BLK: variants seen among roughly 807,000 people sequenced by gnomAD.
The protein encoded by BLK is tyrosine-protein kinase Blk.
Under a neutral mutation model 61.8 loss-of-function variants are expected in BLK, and 64 were observed. The observed-to-expected ratio is 1.03, with a 90% CI of 0.85 to 1.27. The LOEUF (loss-of-function observed/expected upper bound fraction) is 1.27. BLK is among the 50% of genes most tolerant of loss of function. The probability of loss-of-function intolerance (pLI) is 0.00; values close to 1 mark genes in which losing one functional copy is unlikely to be tolerated. For synonymous variants in BLK, 351 were observed against 272.0 expected (o/e 1.29, Z -2.86); for missense variants, 853 against 660.5 (o/e 1.29, Z -3.19).
chr8:11,556,349 T>C, intron 8 of BLK: 1 of 429,052 alleles, frequency 2.3e-6, no homozygotes, highest in Non-Finnish European at 4.4e-6. Context: ...AGAGACTCAT[T>C]ATGTAGGGGA....
In BLK at chr8:11,498,795, A is replaced by T. The variant is rs981420292; in HGVS notation, c.-2+4204A>T. ...TTTCTTCATTCATTGATAATAGCACATCACAGGATTAACAGAATTAAATTA... is the reference window on the plus strand; with the variant it reads ...TTTCTTCATTCATTGATAATAGCACTTCACAGGATTAACAGAATTAAATTA... On this transcript the variant is annotated intron_variant, in intron 1 of 12. Transcript: ENST00000259089. Among the ~76,000 whole-genome samples, 17 of 152,362 alleles carry T rather than the reference A, an allele frequency of 1.1e-4. No individual in the cohort carries two copies. The East Asian group carries it at 3.1e-3, about 28-fold the overall frequency.
In BLK at chr8:11,563,961, C is replaced by T. The variant is rs1356289485; in HGVS notation, c.1371C>T (p.Pro457=). The change falls in exon 13 of 13, where the codon CCC becomes CCT. Residue 457 remains proline (P), a synonymous_variant. Coordinates refer to ENST00000259089, the MANE Select transcript of BLK (RefSeq NM_001715.3). ...AGCGCGGCTACCGCATGCCGCGCCC[C>T]GACACCTGCCCGCCCGAGCTGTACC... The part of the protein sequence containing the change: ...NLERGYRMPR[P]DTCPPELYRG... 3.7e-6 allele frequency: 6 copies of T among 1,606,726 alleles called. No homozygotes were observed. Among genetic ancestry groups the T allele is most frequent in the Non-Finnish European group, 5.1e-6 (6 of 1,179,326 alleles).
At chr8:11,553,622 A>C (rs1801025374) in intron 6 of BLK, 1 of 195,902 alleles carries the variant, frequency 5.1e-6, no homozygotes, top group African/African-American at 2.3e-5. Context: ...TGAACTCCCT[A>C]AGGCCAGGCT....
intron 11 of BLK, among the ~76,000 whole-genome samples, chr8:11,562,747 T>G (rs981251028): frequency 6.6e-6 from 1 of 152,202 alleles, no homozygotes; most frequent in African/African-American, 2.4e-5. Flanking sequence ...GGTGACTGTG[T>G]GGTATTGGTG....
At chr8:11,500,307 C>T (rs1416333892) in intron 1 of BLK, among the ~76,000 whole-genome samples, 2 of 152,122 alleles carry the variant, frequency 1.3e-5, no homozygotes, top group Non-Finnish European at 1.5e-5. Flanking sequence ...AACTCTCCCA[C>T]CTCAGCCTCC....
chr8:11,532,210 T>C (rs1349361270), intron 1 of BLK, among the ~76,000 whole-genome samples: 1 of 116,976 alleles, frequency 8.5e-6, no homozygotes, highest in Non-Finnish European at 1.9e-5. Flanking sequence ...TATTTATTTA[T>C]TTATTTGAGA....
At chr8:11,563,856 C>G in intron 12 of BLK, 47 bp from the exon 13 acceptor site, 3 of 1,557,332 alleles carry the variant, frequency 1.9e-6, no homozygotes, top group East Asian at 2.4e-5. Flanking sequence ...CCCCACCCAC[C>G]GAGGACCCCA....
chr8:11,502,213 GT>G (rs1403236825), intron 1 of BLK, among the ~76,000 whole-genome samples: 9 of 152,064 alleles, frequency 5.9e-5, no homozygotes, highest in African/African-American at 2.2e-4. Context: ...TATAACCTTT[GT>G]TTTAATAGAA....
At chr8:11,540,967 A>G (rs1474334741) in intron 1 of BLK, among the ~76,000 whole-genome samples, 1 of 152,298 alleles carries the variant, frequency 6.6e-6, no homozygotes, top group Middle Eastern at 3.4e-3. Flanking sequence ...CATTCTAAAT[A>G]AAATATTAGC....
At chr8:11,562,857 G>A (rs531375100) in intron 11 of BLK, 122 bp from the exon 12 acceptor site, 42 of 1,416,542 alleles carry the variant, frequency 3.0e-5, no homozygotes, top group Non-Finnish European at 2.5e-5. Context: ...TGGCCGCCCC[G>A]CCCTGTGAGG....
intron 1 of BLK, among the ~76,000 whole-genome samples, chr8:11,516,706 A>G (rs1441194002): frequency 2.6e-5 from 4 of 152,142 alleles, no homozygotes; most frequent in Middle Eastern, 3.2e-3. Flanking sequence ...TGTCTGGCCA[A>G]TTTCACTTAG....
chr8:11,533,210 C>A (rs150223413), intron 1 of BLK, among the ~76,000 whole-genome samples: 5 of 152,340 alleles, frequency 3.3e-5, no homozygotes, highest in Non-Finnish European at 5.9e-5. Context: ...TTACAATCAA[C>A]CCAAGCATGT....
At chr8:11,547,635 A>G (rs1471939004) in intron 3 of BLK, among the ~76,000 whole-genome samples, 1 of 152,224 alleles carries the variant, frequency 6.6e-6, no homozygotes, top group Non-Finnish European at 1.5e-5. Flanking sequence ...CAGAGGAGGA[A>G]AAGGATAAGA....
chr8:11,541,726 G>GAA (rs1366377708), intron 1 of BLK, among the ~76,000 whole-genome samples: 1 of 152,090 alleles, frequency 6.6e-6, no homozygotes, highest in Non-Finnish European at 1.5e-5. Context: ...TCGAACTCCT[G>GAA]ACCTCAAGGG....
chr8:11,544,424 G>T (rs1343386791), intron 2 of BLK, among the ~76,000 whole-genome samples: 1 of 152,166 alleles, frequency 6.6e-6, no homozygotes, highest in African/African-American at 2.4e-5. Context: ...ACCTGATGGG[G>T]AGACGGGGAT....
intron 1 of BLK, among the ~76,000 whole-genome samples, chr8:11,531,107 C>A (rs1350634391): frequency 6.6e-6 from 1 of 152,128 alleles, no homozygotes; most frequent in Non-Finnish European, 1.5e-5. Flanking sequence ...ACACCGAACA[C>A]CTGTTCATGG....
intron 1 of BLK, among the ~76,000 whole-genome samples, chr8:11,539,601 T>C (rs1800283794): frequency 6.6e-6 from 1 of 152,224 alleles, no homozygotes; most frequent in Admixed American, 6.5e-5. Flanking sequence ...TTAACAGAAT[T>C]TAAAAGATTG....
chr8:11,563,272 C>A (rs545408081), intron 12 of BLK, among the ~76,000 whole-genome samples, 162 bp downstream of exon 12: 1 of 152,206 alleles, frequency 6.6e-6, no homozygotes, highest in Admixed American at 6.5e-5. Context: ...GCTCTGCCCC[C>A]TGCATCACTA....
chr8:11,563,519 C>T (rs543616789), intron 12 of BLK, among the ~76,000 whole-genome samples: 1 of 152,272 alleles, frequency 6.6e-6, no homozygotes, highest in South Asian at 2.1e-4. Context: ...AGGGCTCCAG[C>T]CACTTGGCCC....
Sources: allele counts gnomAD v4.1 joint callset (sites outside exome capture counted in the v4.1 genomes callset), GRCh38; gene constraint gnomAD v4.1.1; transcripts MANE v1.5; gene names NCBI Gene and HGNC (gene_info 2026-07-23, HGNC 2026-07-21).